AKAP10: variants seen among roughly 807,000 people sequenced by gnomAD.
AKAP10 encodes A-kinase anchoring protein 10.
AKAP10 carries 24 observed loss-of-function variants against 80.8 expected under a neutral mutation model. The observed-to-expected ratio is 0.30, with a 90% CI of 0.22 to 0.42. AKAP10 has a LOEUF of 0.42. Ranked by LOEUF, AKAP10 falls within the 10% of genes least tolerant of loss-of-function variation. AKAP10 has a pLI of 1.00. For synonymous variants in AKAP10, 291 were observed against 277.7 expected (o/e 1.05, Z -0.48); for missense variants, 661 against 794.9 (o/e 0.83, Z 2.03).
chr17:19,956,355 A>C (rs1200439416), intron 4 of AKAP10, among the ~76,000 whole-genome samples: 3 of 152,186 alleles, frequency 2.0e-5, no homozygotes. Context: ...AAATCACTAA[A>C]ATCACAAGCC....
chr17:19,954,578 G>A (rs1014453155), intron 4 of AKAP10, among the ~76,000 whole-genome samples: 25 of 149,792 alleles, frequency 1.7e-4, no homozygotes, highest in African/African-American at 2.5e-4. Context: ...TCCACCTCCC[G>A]GGTTCACACT....
chr17:19,939,668 A>AT, intron 8 of AKAP10, 45 bp downstream of exon 8: 3 of 1,584,272 alleles, frequency 1.9e-6, no homozygotes, highest in Non-Finnish European at 2.6e-6. Flanking sequence ...AACATATCAA[A>AT]TGTTCAATAA....
intron 4 of AKAP10, among the ~76,000 whole-genome samples, chr17:19,951,384 G>A (rs1009958940): frequency 1.4e-4 from 22 of 152,260 alleles, no homozygotes; most frequent in African/African-American, 2.4e-4. Flanking sequence ...CTGCCACCCC[G>A]TCTGGGAGGT....
Position 19,931,950 on chromosome 17 carries a change from T to C in AKAP10, c.1496A>G (p.Asn499Ser), listed in dbSNP as rs1457172178. The change falls in exon 10 of 15, where the codon AAT (asparagine) becomes AGT (serine). Residue 499 changes from asparagine (N) to serine (S), a missense_variant. By Grantham distance (46) the Asn-to-Ser change is conservative (BLOSUM62 1). Coordinates refer to ENST00000225737, the MANE Select transcript of AKAP10 (RefSeq NM_007202.4). ...ATCATTCAAATATTTATAATAAAGA[T>C]TGCTGGACAAAAAGCCAGGCAAAAA... The part of the protein sequence containing the change: ...KVFLPGFLSS[N>S]LYYKYLNDLI... 1.2e-6 allele frequency: 2 copies of C among 1,613,090 alleles called. No homozygotes were observed. Among genetic ancestry groups the C allele is most frequent in the East Asian group, 2.2e-5 (1 of 44,888 alleles).
At position 19,905,883 on chromosome 17, in the gene AKAP10, C is replaced by T. The variant is rs943597116; in HGVS notation, c.*344G>A. 1 of 267,268 alleles carries T rather than the reference C, an allele frequency of 3.7e-6. No individual in the cohort carries two copies. Among genetic ancestry groups the T allele is most frequent in the Non-Finnish European group, 7.3e-6 (1 of 136,582 alleles). The allele number at this position is 267,268 out of a possible 1,614,324, so 16.6% of individuals were successfully genotyped here. ...GTGTGCATCAAGTATCAGTTCTATGCTTATCTGCTTCCCAGAGGATGTGGT... is the reference window on the plus strand; with the variant it reads ...GTGTGCATCAAGTATCAGTTCTATGTTTATCTGCTTCCCAGAGGATGTGGT... On this transcript the variant is annotated 3_prime_UTR_variant, in exon 15 of 15. Transcript: ENST00000225737.
At chr17:19,934,341 G>A (rs959584915) in intron 9 of AKAP10, among the ~76,000 whole-genome samples, 6 of 151,960 alleles carry the variant, frequency 3.9e-5, no homozygotes, top group African/African-American at 1.2e-4. Context: ...CTAACGTTGC[G>A]GCATAATGCC....
At chr17:19,920,606 G>A (rs1402138425) in intron 11 of AKAP10, among the ~76,000 whole-genome samples, 1 of 152,118 alleles carries the variant, frequency 6.6e-6, no homozygotes, top group Non-Finnish European at 1.5e-5. Context: ...ACTTTGGGAT[G>A]CCGAGGCAGG....
At chr17:19,967,299 A>G (rs1047320775) in intron 2 of AKAP10, among the ~76,000 whole-genome samples, 1 of 152,216 alleles carries the variant, frequency 6.6e-6, no homozygotes, top group Non-Finnish European at 1.5e-5. Context: ...ATCGATCCCA[A>G]CAAAAAATAA....
rs184648386 is a variant in AKAP10, at chr17:19,938,016, C to G, written c.1323-1586G>C. On this transcript the variant is annotated intron_variant, in intron 8 of 14. Transcript: ENST00000225737. ...TTTTTGAGATGCAGTCCTCTGCCTC[C>G]CGGGTTCAAGCAATTCTCCTGCCTC... Among the ~76,000 whole-genome samples the G allele has an allele frequency of 2.3e-3, 346 of 149,452 alleles. 1 individual carries two copies. Among genetic ancestry groups the G allele is most frequent in the African/African-American group, 8.1e-3 (328 of 40,420 alleles).
At position 19,924,411 on chromosome 17, in the gene AKAP10, G is replaced by T; in HGVS notation, c.1748C>A (p.Ala583Asp). The change falls in exon 11 of 15, where the codon GCC (alanine) becomes GAC (aspartate). Residue 583 changes from alanine (A) to aspartate (D), a missense_variant. By Grantham distance (126) the Ala-to-Asp change is moderately radical. Coordinates refer to ENST00000225737, the MANE Select transcript of AKAP10 (RefSeq NM_007202.4). ...TCTAGGCATGAGCTAAGCTTACCCG[G>T]CATATGTCCGTTGATATAAAGATTC... ...DPESLYQRTY[A>D]GKMTFGRVSD... The T allele has an allele frequency of 6.3e-7, 1 of 1,582,774 alleles. No homozygotes were observed.
At chr17:19,919,913 C>CAA in intron 12 of AKAP10, 123 bp downstream of exon 12, 1 of 729,820 alleles carries the variant, frequency 1.4e-6, no homozygotes, top group Non-Finnish European at 2.2e-6. Flanking sequence ...ACTATAAACA[C>CAA]AAGGTGAAAG....
Position 19,962,916 on chromosome 17 carries a change from G to A in AKAP10, c.243C>T (p.Asp81=). The change falls in exon 3 of 15, where the codon GAC becomes GAT. Residue 81 remains aspartate, a synonymous_variant. Transcript: ENST00000225737. ...TGGCTGTCCTGCTACTTGAAAAGGAGTCCATGTTGGCAGAAATGGCATTGA... is the reference window on the plus strand; with the variant it reads ...TGGCTGTCCTGCTACTTGAAAAGGAATCCATGTTGGCAGAAATGGCATTGA... The part of the protein sequence containing the change: ...VAINAISANM[D]SFSSSRTATL... 2 of 1,614,100 alleles carry A rather than the reference G, an allele frequency of 1.2e-6. No homozygotes were observed. Among genetic ancestry groups the A allele is most frequent in the Non-Finnish European group, 1.7e-6 (2 of 1,179,970 alleles).
At position 19,905,921 on chromosome 17, in the gene AKAP10, C is replaced by T. The variant is rs2042627634; in HGVS notation, c.*306G>A. 2.9e-6 allele frequency: 1 copy of T among 349,940 alleles called. No individual in the cohort carries two copies. Among genetic ancestry groups the T allele is most frequent in the African/African-American group, 2.0e-5 (1 of 49,070 alleles). 21.7% of individuals were successfully genotyped at this position (349,940 alleles called of 1,614,324 possible). ...CAGAGGATGTGGTCCCTGTCTATTC[C>T]AGTAGGCTAAAACACTCTCATAAAT... On this transcript the variant is annotated 3_prime_UTR_variant, in exon 15 of 15. Coordinates refer to ENST00000225737, the MANE Select transcript of AKAP10 (RefSeq NM_007202.4).
intron 1 of AKAP10, among the ~76,000 whole-genome samples, chr17:19,969,280 G>C (rs1204126822): frequency 3.3e-5 from 5 of 152,158 alleles, no homozygotes; most frequent in Admixed American, 3.3e-4. Context: ...AGGAGGCGGA[G>C]GTTGCAGTGA....
At chr17:19,908,203 G>C (rs1260511408) in intron 14 of AKAP10, among the ~76,000 whole-genome samples, 1 of 152,162 alleles carries the variant, frequency 6.6e-6, no homozygotes, top group Non-Finnish European at 1.5e-5. Context: ...GTGAAGTGCT[G>C]AATTTTGTTG....
chr17:19,919,991 T>G (rs2042792534), intron 12 of AKAP10, 45 bp downstream of exon 12: 1 of 1,494,484 alleles, frequency 6.7e-7, no homozygotes, highest in African/African-American at 1.4e-5. Context: ...AGTCAATCAC[T>G]AATGTGAGTA....
At chr17:19,934,843 T>G (rs916770950) in intron 9 of AKAP10, among the ~76,000 whole-genome samples, 4 of 152,096 alleles carry the variant, frequency 2.6e-5, no homozygotes, top group Admixed American at 2.6e-4. Flanking sequence ...TGAAACCCTG[T>G]CTCTACTAAA....
At chr17:19,957,826 G>GATA (rs926971589) in intron 4 of AKAP10, among the ~76,000 whole-genome samples, 188 bp downstream of exon 4, 1 of 89,290 alleles carries the variant, frequency 1.1e-5, no homozygotes, top group African/African-American at 5.6e-5. Flanking sequence ...AGAAGGTCCA[G>GATA]TCACTCCTGC....
intron 1 of AKAP10, among the ~76,000 whole-genome samples, chr17:19,976,535 T>C (rs556924455): frequency 7.2e-5 from 11 of 152,008 alleles, no homozygotes; most frequent in African/African-American, 2.4e-4. Flanking sequence ...TACTTTTTTT[T>C]TGAGACGGAG....
Sources: allele counts gnomAD v4.1 joint callset (sites outside exome capture counted in the v4.1 genomes callset), GRCh38; gene constraint gnomAD v4.1.1; transcripts MANE v1.5; gene names NCBI Gene and HGNC (gene_info 2026-07-23, HGNC 2026-07-21).